SDK1: variants seen among roughly 807,000 people sequenced by gnomAD.
SDK1 encodes protein sidekick-1.
A neutral mutation model predicts 245.5 loss-of-function variants in SDK1; 157 were observed. That is an observed-to-expected ratio of 0.64 (90% CI 0.56 to 0.73). The LOEUF is 0.73. Ranked by LOEUF, SDK1 falls within the 30% of genes least tolerant of loss-of-function variation. The pLI is 0.00. For synonymous variants in SDK1, 1,647 were observed against 1,278.5 expected (o/e 1.29, Z -6.15); for missense variants, 3,583 against 3,002.3 (o/e 1.19, Z -4.52).
intron 1 of SDK1, among the ~76,000 whole-genome samples, chr7:3,422,898 G>C (rs1166603786): frequency 2.0e-5 from 3 of 152,172 alleles, no homozygotes; most frequent in Non-Finnish European, 4.4e-5. Flanking sequence ...CAAGGCCTTT[G>C]CTAAGTACTT....
intron 32 of SDK1, among the ~76,000 whole-genome samples, chr7:4,162,926 C>T (rs1319310886): frequency 1.3e-5 from 2 of 152,174 alleles, no homozygotes; most frequent in Admixed American, 6.5e-5. Flanking sequence ...GGCTGCAGGC[C>T]CCAGGGAGAT....
intron 35 of SDK1, among the ~76,000 whole-genome samples, chr7:4,201,541 A>G (rs1407511004): frequency 6.6e-6 from 1 of 152,252 alleles, no homozygotes; most frequent in Admixed American, 6.5e-5. Context: ...ACCTTGCTTT[A>G]CCCAAACAGT....
chr7:3,535,731 G>A (rs949223473), intron 1 of SDK1, among the ~76,000 whole-genome samples: 2 of 152,032 alleles, frequency 1.3e-5, no homozygotes, highest in Non-Finnish European at 1.5e-5. Context: ...CATACACAGC[G>A]TGGTTGAAAA....
intron 40 of SDK1, 74 bp from the exon 41 acceptor site, chr7:4,233,181 G>C: frequency 1.4e-6 from 2 of 1,446,410 alleles, no homozygotes; most frequent in Non-Finnish European, 9.5e-7. Flanking sequence ...CGACCCACCA[G>C]GCAGGTGCAT....
intron 1 of SDK1, among the ~76,000 whole-genome samples, chr7:3,594,114 C>T (rs1269112373): frequency 1.3e-5 from 2 of 152,184 alleles, no homozygotes; most frequent in African/African-American, 2.4e-5. Context: ...CCTCCTGCCT[C>T]TCTGCCCTGC....
At chr7:4,006,176 A>C (rs1785474703) in intron 14 of SDK1, among the ~76,000 whole-genome samples, 1 of 152,176 alleles carries the variant, frequency 6.6e-6, no homozygotes, top group African/African-American at 2.4e-5. Flanking sequence ...CTTCCAGTAC[A>C]TTTTCAAAGA....
At chr7:4,073,613 C>G (rs1780411303) in intron 20 of SDK1, among the ~76,000 whole-genome samples, 1 of 152,206 alleles carries the variant, frequency 6.6e-6, no homozygotes, top group South Asian at 2.1e-4. Flanking sequence ...ACAAAGTCTG[C>G]TCTTCCCATA....
chr7:3,564,038 T>G (rs1371255506), intron 1 of SDK1, among the ~76,000 whole-genome samples: 2 of 152,058 alleles, frequency 1.3e-5, no homozygotes, highest in Admixed American at 6.5e-5. Flanking sequence ...TAGGATGTAG[T>G]TCAAGCAGTA....
intron 35 of SDK1, among the ~76,000 whole-genome samples, chr7:4,198,962 C>G (rs1028575100): frequency 2.0e-5 from 3 of 152,002 alleles, no homozygotes; most frequent in African/African-American, 4.8e-5. Context: ...TACAGGCACG[C>G]ACCACCACGC....
At chr7:3,657,431 C>T (rs544507128) in intron 4 of SDK1, among the ~76,000 whole-genome samples, 23 of 152,210 alleles carry the variant, frequency 1.5e-4, no homozygotes, top group Admixed American at 1.3e-3. Context: ...GGGTGAGGAG[C>T]GTCACTGTCT....
At chr7:3,574,989 C>T (rs1256437099) in intron 1 of SDK1, among the ~76,000 whole-genome samples, 1 of 151,988 alleles carries the variant, frequency 6.6e-6, no homozygotes, top group South Asian at 2.1e-4. Context: ...CCCTTTCTGC[C>T]CCACTTCCAG....
At chr7:3,872,799 C>G (rs775218505) in intron 5 of SDK1, among the ~76,000 whole-genome samples, 7 of 151,966 alleles carry the variant, frequency 4.6e-5, no homozygotes, top group Admixed American at 1.3e-4. Flanking sequence ...ATTTAAAAAT[C>G]TGAATCTACC....
intron 30 of SDK1, among the ~76,000 whole-genome samples, chr7:4,152,162 G>A (rs1184314089): frequency 1.3e-5 from 2 of 152,202 alleles, no homozygotes; most frequent in African/African-American, 2.4e-5. Flanking sequence ...TGACCGCCAC[G>A]GAACTGGCAG....
chr7:3,460,362 T>C (rs1402993561), intron 1 of SDK1, among the ~76,000 whole-genome samples: 1 of 152,188 alleles, frequency 6.6e-6, no homozygotes, highest in East Asian at 1.9e-4. Flanking sequence ...AGCTCCACTT[T>C]GGAATGTGAG....
At chr7:4,081,080 TGCC>T (rs1781025962) in intron 22 of SDK1, among the ~76,000 whole-genome samples, 1 of 152,232 alleles carries the variant, frequency 6.6e-6, no homozygotes, top group Non-Finnish European at 1.5e-5. Context: ...TGTCTGACGA[TGCC>T]GCATAGCTGA....
In SDK1 at chr7:4,178,553, A is replaced by G. The variant is rs1007360927; in HGVS notation, c.5065A>G (p.Ser1689Gly). ...AYNIIGESPA[S>G]APVEVFVGEA... ...TAACATCATCGGCGAGAGCCCAGCC[A>G]GCGCGCCCGTGGAGGTCTTTGTCGG... The change falls in exon 35 of 45, where the codon AGC (serine) becomes GGC (glycine). Residue 1689 changes from serine (S) to glycine (G), a missense_variant. Physicochemically the swap from Ser to Gly is moderately conservative, Grantham distance 56. Transcript: ENST00000404826. The G allele has an allele frequency of 6.2e-7, 1 of 1,613,282 alleles. No homozygotes were observed. The highest frequency in any genetic ancestry group is 8.5e-7 in the Non-Finnish European group (1 of 1,179,936).
chr7:4,266,464 C>CT lies in SDK1; in HGVS notation c.*1081dup. ...CCGTCCCCTCCCTCTGTCCTGGCTT[C>CT]TGCTGGCTGCTCGCAGCAGCCACCG... On this transcript the variant is annotated 3_prime_UTR_variant, in exon 45 of 45. Transcript: ENST00000404826. 1.0e-6 allele frequency: 1 copy of CT among 985,400 alleles called. No homozygotes were observed. The highest frequency in any genetic ancestry group is 1.2e-6 in the Non-Finnish European group (1 of 829,920). The allele number at this position is 985,400 out of a possible 1,614,324, so 61.0% of individuals were successfully genotyped here.
At position 3,301,643 on chromosome 7, in the gene SDK1, C is replaced by A. The variant is rs1241692941; in HGVS notation, c.57C>A (p.Pro19=). The A allele has an allele frequency of 1.0e-6, 1 of 977,290 alleles. No individual in the cohort carries two copies. The allele number at this position is 977,290 out of a possible 1,614,324, so 60.5% of individuals were successfully genotyped here. Residue 19 remains proline (P), a synonymous_variant, in exon 1 of 45, where the codon CCC becomes CCA. Coordinates refer to ENST00000404826, the MANE Select transcript of SDK1 (RefSeq NM_152744.4). ...AAGGGGGGAE[P]PERAGPGRPR... ...GTGGCGGCGGCGGCGGCGCGGAGCC[C>A]CCTGAGCGCGCGGGCCCCGGGCGGC...
chr7:4,190,088 A>T (rs1182543495), intron 35 of SDK1, among the ~76,000 whole-genome samples: 1 of 152,198 alleles, frequency 6.6e-6, no homozygotes, highest in Non-Finnish European at 1.5e-5. Flanking sequence ...GGCTTCAGTG[A>T]CGCCAGTTTG....
Sources: gnomAD v4.1 joint callset for allele counts (sites outside exome capture counted in the v4.1 genomes callset) on GRCh38, gnomAD v4.1.1 for gene constraint, MANE v1.5 for transcripts, NCBI Gene and HGNC (gene_info 2026-07-23, HGNC 2026-07-21) for gene names.